Variants in FHIT observed in about 807,000 individuals in gnomAD.
FHIT encodes the protein fragile histidine triad diadenosine triphosphatase, also known as bis(5'-adenosyl)-triphosphatase.
In FHIT, 19 loss-of-function variants were observed where a neutral mutation model predicts 17.9. The ratio of observed to expected loss-of-function variants is 1.06; its 90% confidence interval spans 0.74 to 1.56. The LOEUF (loss-of-function observed/expected upper bound fraction) is 1.56. FHIT is among the 40% of genes most tolerant of loss of function. The probability of loss-of-function intolerance (pLI) is 0.00; values close to 1 mark genes in which losing one functional copy is unlikely to be tolerated. For synonymous variants in FHIT, 81 were observed against 69.7 expected, an observed-to-expected ratio of 1.16 and a Z score of -0.81; for missense variants, 248 against 189.2, an observed-to-expected ratio of 1.31 and a Z score of -1.82.
intron 4 of FHIT, among the ~76,000 whole-genome samples, chr3:60,711,897 C>T (rs1178392899): frequency 2.6e-5 from 4 of 152,148 alleles, no homozygotes; most frequent in Admixed American, 1.3e-4. Context: ...GGCAGGCCAA[C>T]ATTCAGATTC....
At chr3:60,469,739 G>C (rs1200752229) in intron 5 of FHIT, among the ~76,000 whole-genome samples, 1 of 152,104 alleles carries the variant, frequency 6.6e-6, no homozygotes, top group Non-Finnish European at 1.5e-5. Flanking sequence ...TGAAGAGTTA[G>C]GTATTCACTG....
At position 60,203,941 on chromosome 3, in the gene FHIT, G is replaced by C. The variant is rs929025703; in HGVS notation, c.104-189789C>G. On this transcript the variant is annotated intron_variant, in intron 5 of 9. Coordinates refer to ENST00000492590, the MANE Select transcript of FHIT (RefSeq NM_002012.4). Reference sequence around the variant, plus strand: ...GTAGAAGGATGGTTAACAGAGGCTGGGAAGGGTCATGGGGAGGGGGGTGAA... The same window carrying C: ...GTAGAAGGATGGTTAACAGAGGCTGCGAAGGGTCATGGGGAGGGGGGTGAA... Among the ~76,000 whole-genome samples, 3 of 152,104 alleles carry C rather than the reference G, an allele frequency of 2.0e-5. No homozygotes were observed. The South Asian group carries it at 6.2e-4, about 32-fold the overall frequency.
At chr3:59,968,077 T>C (rs1235207147) in intron 7 of FHIT, among the ~76,000 whole-genome samples, 1 of 152,108 alleles carries the variant, frequency 6.6e-6, no homozygotes, top group Non-Finnish European at 1.5e-5. Flanking sequence ...TAGTCAGTTT[T>C]CCACCTTTAC....
intron 2 of FHIT, among the ~76,000 whole-genome samples, chr3:61,074,826 A>G (rs1279333790): frequency 6.6e-6 from 1 of 152,192 alleles, no homozygotes; most frequent in Admixed American, 6.6e-5. Flanking sequence ...TTCCTTATAG[A>G]AGTAAATAAT....
intron 2 of FHIT, among the ~76,000 whole-genome samples, chr3:61,117,714 G>A (rs767651794): frequency 3.9e-5 from 6 of 152,124 alleles, no homozygotes; most frequent in Non-Finnish European, 7.3e-5. Context: ...CTTGGACCTA[G>A]CTAGAGTAGA....
chr3:60,318,843 G>A (rs1425843328), intron 5 of FHIT, among the ~76,000 whole-genome samples: 2 of 152,224 alleles, frequency 1.3e-5, no homozygotes, highest in East Asian at 3.9e-4. Flanking sequence ...CTAAAGTCAA[G>A]TTGTTGGCAG....
At chr3:60,108,943 G>A (rs572779306) in intron 5 of FHIT, among the ~76,000 whole-genome samples, 9 of 152,284 alleles carry the variant, frequency 5.9e-5, no homozygotes, top group East Asian at 1.9e-4. Context: ...GATTACAGGC[G>A]TGAGCCACCA....
Position 59,788,722 on chromosome 3 carries a change from A to T in FHIT, c.349-36401T>A, listed in dbSNP as rs76119447. 6.7e-3 allele frequency among the ~76,000 whole-genome samples: 1,023 copies of T among 152,146 alleles called. 16 individuals are homozygous for T. Among genetic ancestry groups the T allele is most frequent in the African/African-American group, 0.02 (849 of 41,502 alleles). ...CAGGAACCTCTCAAAACCTGTTGGT[A>T]GAAGAATTTGCACATTAACCTGCCA... On this transcript the variant is annotated intron_variant, in intron 8 of 9. Transcript: ENST00000492590.
At chr3:60,611,035 A>C (rs1356752857) in intron 4 of FHIT, among the ~76,000 whole-genome samples, 1 of 152,212 alleles carries the variant, frequency 6.6e-6, no homozygotes, top group Non-Finnish European at 1.5e-5. Flanking sequence ...TAAATGAGAC[A>C]ACACCATAAG....
chr3:60,037,806 C>T lies in FHIT; in HGVS notation c.104-23654G>A, dbSNP rs542023036. Among the ~76,000 whole-genome samples the T allele has an allele frequency of 4.6e-5, 7 of 152,076 alleles. No individual in the cohort carries two copies. The South Asian group carries it at 6.2e-4, about 14-fold the overall frequency. ...TCGGCTCACTGCAACCTCTGCCTCC[C>T]GGGTTCAAGCAATTCTCCCGCCTCA... On this transcript the variant is annotated intron_variant, in intron 5 of 9. Coordinates refer to ENST00000492590, the MANE Select transcript of FHIT (RefSeq NM_002012.4).
At chr3:59,972,962 T>C (rs895474702) in intron 7 of FHIT, among the ~76,000 whole-genome samples, 1 of 152,038 alleles carries the variant, frequency 6.6e-6, no homozygotes, top group African/African-American at 2.4e-5. Flanking sequence ...CTCAACCCCA[T>C]TCTCAATCTC....
At chr3:60,444,753 G>C (rs922663905) in intron 5 of FHIT, among the ~76,000 whole-genome samples, 7 of 151,826 alleles carry the variant, frequency 4.6e-5, no homozygotes, top group Non-Finnish European at 7.4e-5. Flanking sequence ...TGAATGACGA[G>C]TTAATGGGTG....
intron 5 of FHIT, among the ~76,000 whole-genome samples, chr3:60,063,258 AAGATCAACT>A (rs1171751857): frequency 6.6e-6 from 1 of 152,216 alleles, no homozygotes; most frequent in Non-Finnish European, 1.5e-5. Context: ...TCTGGTCTAC[AAGATCAACT>A]TTCTGGCAAT....
chr3:61,144,097 C>G (rs769177448), intron 2 of FHIT, among the ~76,000 whole-genome samples: 23 of 152,138 alleles, frequency 1.5e-4, no homozygotes, highest in Non-Finnish European at 2.9e-4. Flanking sequence ...ACGATTCATT[C>G]ATTTTTAGTA....
rs2035023179 is a variant in FHIT, at chr3:60,513,413, A to T, written c.103+23447T>A. Reference sequence around the variant, plus strand: ...TAAATGTGTTGTACTCTGTTTTTGTAAGTCAGCTCAAAACTTTATTGGCAG... The same window carrying T: ...TAAATGTGTTGTACTCTGTTTTTGTTAGTCAGCTCAAAACTTTATTGGCAG... On this transcript the variant is annotated intron_variant, in intron 5 of 9. Coordinates refer to ENST00000492590, the MANE Select transcript of FHIT (RefSeq NM_002012.4). 2.0e-5 allele frequency among the ~76,000 whole-genome samples: 3 copies of T among 152,336 alleles called. No individual in the cohort carries two copies. In the South Asian group the frequency reaches 6.2e-4, roughly 32 times the overall value.
At chr3:59,990,595 C>A (rs2107470654) in intron 7 of FHIT, among the ~76,000 whole-genome samples, 2 of 152,042 alleles carry the variant, frequency 1.3e-5, no homozygotes. Context: ...GAGCATTTAC[C>A]ATTACTGCAT....
rs111905951 is a variant in FHIT at position 59,836,758 on chromosome 3, T to C, written c.349-84437A>G. ...TACTAGGGAGAAAGAATGCCTGCCA[T>C]GTGTGTTACACATGGCCTCAGAAGG... On this transcript the variant is annotated intron_variant, in intron 8 of 9. Transcript: ENST00000492590. Among the ~76,000 whole-genome samples the C allele has an allele frequency of 1.2e-3, 180 of 152,246 alleles. 1 individual carries two copies. Among genetic ancestry groups the C allele is most frequent in the Middle Eastern group, 3.4e-3 (1 of 294 alleles).
intron 3 of FHIT, among the ~76,000 whole-genome samples, chr3:61,022,695 CAAAT>C (rs1337094119): frequency 5.3e-5 from 8 of 152,124 alleles, no homozygotes; most frequent in African/African-American, 1.9e-4. Flanking sequence ...TCAATATACA[CAAAT>C]CAATAAACAT....
At chr3:60,146,798 G>C (rs1235947305) in intron 5 of FHIT, among the ~76,000 whole-genome samples, 1 of 152,138 alleles carries the variant, frequency 6.6e-6, no homozygotes, top group African/African-American at 2.4e-5. Context: ...GTGTAAAGCA[G>C]CTAAAACTTC....
Sources: gnomAD v4.1 joint callset for allele counts (sites outside exome capture counted in the v4.1 genomes callset) on GRCh38, gnomAD v4.1.1 for gene constraint, MANE v1.5 for transcripts, NCBI Gene and HGNC (gene_info 2026-07-23, HGNC 2026-07-21) for gene names.